Variants in LINGO2 observed in about 807,000 individuals in gnomAD.
The protein encoded by LINGO2 is leucine rich repeat and Ig domain containing 2, also known as leucine-rich repeat and immunoglobulin-like domain-containing nogo receptor-interacting protein 2.
LINGO2 carries 14 observed loss-of-function variants against 30.6 expected under a neutral mutation model. The observed-to-expected ratio is 0.46, with a 90% CI of 0.30 to 0.72. The LOEUF (loss-of-function observed/expected upper bound fraction) is 0.72. LINGO2 is among the 30% of genes least tolerant of loss of function. The pLI, the probability that LINGO2 is intolerant of heterozygous loss-of-function variation, is 0.07. For missense variants in LINGO2, 729 were observed against 751.7 expected (o/e 0.97, Z 0.35); for synonymous variants, 317 against 288.5 (o/e 1.10, Z -1.00).
the LINGO2 span, among the ~76,000 whole-genome samples, chr9:29,119,577 CTTTTTT>C: frequency 2.4e-5 from 2 of 82,548 alleles, no homozygotes; most frequent in African/African-American, 9.4e-5. Context: ...CAGTTGTCAT[CTTTTTT>C]TTTTTTTTTT....
intron 4 of LINGO2, among the ~76,000 whole-genome samples, chr9:28,263,176 G>A (rs748528185): frequency 2.6e-5 from 4 of 151,908 alleles, no homozygotes; most frequent in Non-Finnish European, 5.9e-5. Context: ...TCCACACCAT[G>A]GCAATTTGCT....
the LINGO2 span, among the ~76,000 whole-genome samples, chr9:29,109,486 A>G: frequency 6.6e-6 from 1 of 152,202 alleles, no homozygotes; most frequent in Admixed American, 6.5e-5. Flanking sequence ...GAAGCAGATG[A>G]ATTACCTATA....
At chr9:28,779,935 A>G in the LINGO2 span, among the ~76,000 whole-genome samples, 2 of 152,068 alleles carry the variant, frequency 1.3e-5, no homozygotes, top group African/African-American at 2.4e-5. Flanking sequence ...GTATATATAG[A>G]AAATATAGGA....
the LINGO2 span, among the ~76,000 whole-genome samples, chr9:28,910,870 A>C: frequency 8.5e-5 from 13 of 152,234 alleles, no homozygotes; most frequent in East Asian, 2.3e-3. Context: ...TAAATGTAGA[A>C]AGAAAATGAT....
chr9:28,322,275 C>T (rs1367237255), intron 3 of LINGO2, among the ~76,000 whole-genome samples: 1 of 152,254 alleles, frequency 6.6e-6, no homozygotes, highest in Non-Finnish European at 1.5e-5. Context: ...GAGAGGTTTT[C>T]ACTGATCACC....
the LINGO2 span, among the ~76,000 whole-genome samples, chr9:29,088,109 A>G: frequency 0.021 from 3,270 of 152,246 alleles, 108 homozygotes; most frequent in African/African-American, 0.073. Context: ...TGAGAAATGT[A>G]TTTACAGTCC....
chr9:28,859,781 CAAAT>C, the LINGO2 span, among the ~76,000 whole-genome samples: 1 of 151,762 alleles, frequency 6.6e-6, no homozygotes, highest in African/African-American at 2.4e-5. Flanking sequence ...ACTTATTCAG[CAAAT>C]ATATATTTTG....
the LINGO2 span, among the ~76,000 whole-genome samples, chr9:28,874,128 G>C: frequency 4.1e-4 from 63 of 152,056 alleles, no homozygotes; most frequent in Non-Finnish European, 7.4e-4. Flanking sequence ...TGGATAAAGA[G>C]ATTAAAATAG....
At chr9:27,977,778 T>C in intron 5 of LINGO2, among the ~76,000 whole-genome samples, 1 of 150,746 alleles carries the variant, frequency 6.6e-6, no homozygotes, top group African/African-American at 2.4e-5. Flanking sequence ...GCAAAATGCT[T>C]CCCAGGGGAA....
the LINGO2 span, among the ~76,000 whole-genome samples, chr9:28,752,073 C>T: frequency 6.6e-6 from 1 of 151,790 alleles, no homozygotes; most frequent in African/African-American, 2.4e-5. Context: ...AGTAAAGTGG[C>T]CAGATATACT....
chr9:28,898,346 C>G, the LINGO2 span, among the ~76,000 whole-genome samples: 2 of 152,006 alleles, frequency 1.3e-5, no homozygotes, highest in African/African-American at 4.8e-5. Context: ...AATAACACAA[C>G]AAGCCCAGAA....
chr9:28,339,082 T>C (rs549115952), intron 3 of LINGO2, among the ~76,000 whole-genome samples: 1 of 152,288 alleles, frequency 6.6e-6, no homozygotes, highest in Admixed American at 6.5e-5. Flanking sequence ...TCTTGTTTTA[T>C]CTTAAAATCT....
intron 5 of LINGO2, among the ~76,000 whole-genome samples, chr9:27,970,618 T>C (rs2118748738): frequency 6.6e-6 from 1 of 152,248 alleles, no homozygotes; most frequent in East Asian, 1.9e-4. Context: ...GAGTGATGCT[T>C]ATGAAGTCTA....
At chr9:28,593,831 C>T (rs1444724528) in intron 1 of LINGO2, among the ~76,000 whole-genome samples, 2 of 151,964 alleles carry the variant, frequency 1.3e-5, no homozygotes, top group Admixed American at 6.6e-5. Flanking sequence ...TTCCAAAGAA[C>T]ATTACACCAG....
the LINGO2 span, among the ~76,000 whole-genome samples, chr9:28,891,701 T>C: frequency 6.6e-6 from 1 of 151,914 alleles, no homozygotes; most frequent in South Asian, 2.1e-4. Flanking sequence ...TTAACATCTT[T>C]ATAGCTCTTT....
intron 3 of LINGO2, among the ~76,000 whole-genome samples, chr9:28,352,112 A>C (rs1819925093): frequency 1.3e-5 from 2 of 150,078 alleles, no homozygotes; most frequent in African/African-American, 4.9e-5. Context: ...GCCCTCTCTC[A>C]CCACTCCTAT....
chr9:28,079,248 T>C (rs1299840383), intron 4 of LINGO2, among the ~76,000 whole-genome samples: 1 of 152,138 alleles, frequency 6.6e-6, no homozygotes, highest in Non-Finnish European at 1.5e-5. Context: ...CATGATTTAC[T>C]GAGTAAAATT....
At chr9:28,173,250 T>G (rs1340662939) in intron 4 of LINGO2, among the ~76,000 whole-genome samples, 2 of 152,204 alleles carry the variant, frequency 1.3e-5, no homozygotes, top group African/African-American at 4.8e-5. Context: ...CTTAAATTTT[T>G]GCTTCATTTT....
intron 1 of LINGO2, among the ~76,000 whole-genome samples, chr9:28,491,255 C>T (rs1158902025): frequency 6.6e-6 from 1 of 152,110 alleles, no homozygotes; most frequent in Non-Finnish European, 1.5e-5. Flanking sequence ...AAATATATTC[C>T]TTGTCTCTTG....
Sources: gnomAD v4.1 joint callset for allele counts (sites outside exome capture counted in the v4.1 genomes callset) on GRCh38, gnomAD v4.1.1 for gene constraint, MANE v1.5 for transcripts, NCBI Gene and HGNC (gene_info 2026-07-23, HGNC 2026-07-21) for gene names.